Variants in NTRK3 observed in about 807,000 individuals in gnomAD.
NTRK3 encodes NT-3 growth factor receptor.
NTRK3 carries 24 observed loss-of-function variants against 91.7 expected under a neutral mutation model. The observed-to-expected ratio is 0.26, with a 90% CI of 0.19 to 0.37. The LOEUF (loss-of-function observed/expected upper bound fraction) is 0.37. NTRK3 is among the 10% of genes least tolerant of loss of function. NTRK3 has a pLI of 1.00. For missense variants in NTRK3, 880 were observed against 1,068.9 expected, an observed-to-expected ratio of 0.82 and a Z score of 2.46; for synonymous variants, 483 against 404.0, an observed-to-expected ratio of 1.20 and a Z score of -2.34.
intron 17 of NTRK3, among the ~76,000 whole-genome samples, chr15:87,902,083 A>T (rs1487107606): frequency 1.3e-5 from 2 of 152,252 alleles, no homozygotes; most frequent in African/African-American, 4.8e-5. Context: ...TTCATTCAGA[A>T]ATATCTAAAT....
At chr15:88,126,329 C>T (rs1247832786) in exon 13 of NTRK3, 1 of 1,613,874 alleles carries the variant, frequency 6.2e-7, no homozygotes, top group Non-Finnish European at 8.5e-7. Flanking sequence ...AGAGAACCAC[C>T]AACAGGACAC....
At chr15:87,925,441 G>A (rs999398511) in intron 17 of NTRK3, 1 of 180,110 alleles carries the variant, frequency 5.6e-6, no homozygotes. Context: ...ACACGTGTAT[G>A]CACACACACA....
chr15:88,032,975 G>A (rs2142021619), exon 14 of NTRK3: 1 of 1,611,872 alleles, frequency 6.2e-7, no homozygotes. Context: ...ACGAGGGCGT[G>A]GTGATGCCGT....
chr15:88,033,080 C>G (rs775306971), intron 13 of NTRK3, 35 bp from the exon 14 acceptor site: 1 of 1,545,330 alleles, frequency 6.5e-7, no homozygotes, highest in Admixed American at 2.0e-5. Context: ...GACCTGGTGA[C>G]GTCACATCCG....
exon 19 of NTRK3, chr15:87,865,733 G>T (rs986357591): frequency 2.2e-5 from 5 of 225,110 alleles, no homozygotes; most frequent in African/African-American, 1.1e-4. Context: ...TGCAGCAGAA[G>T]ATGCCATTTT....
At chr15:88,232,864 G>A (rs1308859485) in intron 3 of NTRK3, among the ~76,000 whole-genome samples, 1 of 152,170 alleles carries the variant, frequency 6.6e-6, no homozygotes, top group Non-Finnish European at 1.5e-5. Flanking sequence ...GTTTTGTGGA[G>A]TGATGTCACT....
At position 87,980,373 on chromosome 15, in the gene NTRK3, G is replaced by A. The variant is rs80288398; in HGVS notation, c.1586-39620C>T. ...TGCATGTGTACATGTGTTTCCATGT[G>A]TGTATCTGTTTGCATGTGTGTTTGC... On this transcript the variant is annotated intron_variant, in intron 14 of 18. Coordinates refer to ENST00000394480, the Ensembl canonical transcript of NTRK3. Among the ~76,000 whole-genome samples the A allele has an allele frequency of 7.4e-3, 1,064 of 144,166 alleles. 52 individuals are homozygous for A. In the East Asian group the frequency reaches 0.13, roughly 18 times the overall value. 94.6% of individuals were successfully genotyped at this position (144,166 alleles called of 152,430 possible).
Position 88,235,304 on chromosome 15 carries a change from A to G in NTRK3, c.248+20602T>C, listed in dbSNP as rs1164829431. Reference sequence around the variant, plus strand: ...TGTGTCGCTGTCTACCCTACCCACAATAGCCTCCAGGCTCTGAGCTGGCAG... The same window carrying G: ...TGTGTCGCTGTCTACCCTACCCACAGTAGCCTCCAGGCTCTGAGCTGGCAG... On this transcript the variant is annotated intron_variant, in intron 3 of 18. Coordinates refer to ENST00000394480, the Ensembl canonical transcript of NTRK3. This position sits in a 1 kb window ranked among gnomAD's most constrained non-coding sequence, Gnocchi z 5.2. 6.6e-6 allele frequency among the ~76,000 whole-genome samples: 1 copy of G among 152,130 alleles called. No individual in the cohort carries two copies. Among genetic ancestry groups the G allele is most frequent in the Non-Finnish European group, 1.5e-5 (1 of 68,030 alleles).
At chr15:87,872,838 C>G (rs1270965698) in exon 19 of NTRK3, 5 of 232,370 alleles carry the variant, frequency 2.2e-5, no homozygotes, top group Non-Finnish European at 4.3e-5. Flanking sequence ...CAGGTGGGAC[C>G]AGAACCTAGC....
chr15:87,952,679 C>A (rs909214418), intron 14 of NTRK3, among the ~76,000 whole-genome samples: 59 of 152,204 alleles, frequency 3.9e-4, no homozygotes, highest in African/African-American at 1.4e-3. Context: ...ATTTGGACAC[C>A]GTTTCCATCA....
intron 6 of NTRK3, among the ~76,000 whole-genome samples, chr15:88,140,604 G>T (rs1342229078): frequency 1.3e-5 from 2 of 152,180 alleles, no homozygotes; most frequent in Admixed American, 6.5e-5. Flanking sequence ...CACTGAGAAA[G>T]ATGTAAAACT....
At chr15:88,047,821 G>A (rs991276977) in intron 13 of NTRK3, among the ~76,000 whole-genome samples, 14 of 152,266 alleles carry the variant, frequency 9.2e-5, no homozygotes, top group African/African-American at 3.4e-4. Context: ...ATGAAAAATG[G>A]TGTAGTAAGC....
rs371828489 is a variant in NTRK3 at position 88,017,792 on chromosome 15, A to C, written c.1585+15065T>G. ...ATTTAGTTAAAGCTCCTAAGTAACA[A>C]ATCCCCACAAATCCCCAAGCACATA... On this transcript the variant is annotated intron_variant, in intron 14 of 18. Transcript: ENST00000394480. Among the ~76,000 whole-genome samples, 93 of 152,300 alleles carry C rather than the reference A, an allele frequency of 6.1e-4. 1 individual carries two copies. Among genetic ancestry groups the C allele is most frequent in the African/African-American group, 1.9e-3 (78 of 41,558 alleles).
chr15:88,100,042 T>A (rs1306402852), intron 13 of NTRK3, among the ~76,000 whole-genome samples: 1 of 152,156 alleles, frequency 6.6e-6, no homozygotes, highest in African/African-American at 2.4e-5. Flanking sequence ...TTAAGCTTGT[T>A]TAATTAAGCT....
At chr15:88,136,494 A>T (rs370605951) in exon 8 of NTRK3, 2 of 1,614,184 alleles carry the variant, frequency 1.2e-6, no homozygotes, top group Non-Finnish European at 1.7e-6. Flanking sequence ...ACTGCAGCCC[A>T]GTGACTATCC....
At chr15:87,867,118 T>C (rs2064703449) in exon 19 of NTRK3, 2 of 225,306 alleles carry the variant, frequency 8.9e-6, no homozygotes, top group Non-Finnish European at 1.8e-5. Flanking sequence ...AATAGGCTTG[T>C]TGTCCCAGAG....
intron 3 of NTRK3, among the ~76,000 whole-genome samples, chr15:88,228,154 T>G (rs74027910): frequency 0.013 from 2,037 of 152,152 alleles, 53 homozygotes; most frequent in African/African-American, 0.046. Flanking sequence ...TCTTCCTCTA[T>G]CTCTGGGCAC....
intron 17 of NTRK3, among the ~76,000 whole-genome samples, chr15:87,920,653 T>A (rs554890315): frequency 1.3e-5 from 2 of 152,334 alleles, no homozygotes; most frequent in Admixed American, 6.5e-5. Flanking sequence ...TCTGGAGTTA[T>A]AATTTGCTCA....
At chr15:87,986,037 A>G (rs527283409) in intron 14 of NTRK3, among the ~76,000 whole-genome samples, 2 of 152,328 alleles carry the variant, frequency 1.3e-5, no homozygotes, top group South Asian at 2.1e-4. Flanking sequence ...ATAATACTTC[A>G]TAAGCCATGG....
Sources: allele counts gnomAD v4.1 joint callset (sites outside exome capture counted in the v4.1 genomes callset), GRCh38; gene constraint gnomAD v4.1.1; non-coding constraint Gnocchi (gnomAD v3.1); transcripts MANE v1.5; gene names NCBI Gene and HGNC (gene_info 2026-07-23, HGNC 2026-07-21).